MYO1D: variants seen among roughly 807,000 people sequenced by gnomAD.
MYO1D encodes the protein unconventional myosin-Id.
MYO1D carries 83 observed loss-of-function variants against 122.0 expected under a neutral mutation model. That is an observed-to-expected ratio of 0.68 (90% CI 0.57 to 0.82). The LOEUF (loss-of-function observed/expected upper bound fraction) is 0.82, where lower values mean the gene tolerates loss of function less well. Among genes scored for constraint, MYO1D ranks in the 40% least tolerant of loss-of-function variants. The probability of loss-of-function intolerance (pLI) is 0.00; values close to 1 mark genes in which losing one functional copy is unlikely to be tolerated. For synonymous variants in MYO1D, 464 were observed against 446.9 expected (o/e 1.04, Z -0.48); for missense variants, 1,157 against 1,269.5 (o/e 0.91, Z 1.35).
chr17:32,540,395 A>G (rs1910802410), intron 21 of MYO1D, among the ~76,000 whole-genome samples: 1 of 151,890 alleles, frequency 6.6e-6, no homozygotes, highest in South Asian at 2.1e-4. Context: ...TTTGCAAATC[A>G]TATATCTGAT....
chr17:32,837,678 C>A (rs926932047), intron 1 of MYO1D, among the ~76,000 whole-genome samples: 1 of 152,070 alleles, frequency 6.6e-6, no homozygotes, highest in Non-Finnish European at 1.5e-5. Context: ...CAAACTGGTT[C>A]AGAAAAATTC....
rs575644563 is a variant in MYO1D, at chr17:32,560,916, C to CTT, written c.2864+44169_2864+44170dup. On this transcript the variant is annotated intron_variant, in intron 21 of 21. Transcript: ENST00000318217. ...TACAGGCATGAGCCACTATGCGTGG[C>CTT]TTTTTTTTTTTTTTTTGAGAGTCTT... 1.8e-4 allele frequency among the ~76,000 whole-genome samples: 24 copies of CTT among 132,324 alleles called. 1 individual carries two copies. The highest frequency in any genetic ancestry group is 5.7e-4 in the African/African-American group (20 of 35,086). The allele number at this position is 132,324 out of a possible 152,430, so 86.8% of individuals were successfully genotyped here. A position where few individuals can be genotyped will look rare whatever the true frequency, so the allele number is the denominator to read the frequency against.
At chr17:32,784,445 C>A in intron 1 of MYO1D, among the ~76,000 whole-genome samples, 1 of 151,940 alleles carries the variant, frequency 6.6e-6, no homozygotes, top group East Asian at 1.9e-4. Flanking sequence ...TGCTCTGTTA[C>A]CTTTTTTTTT....
intron 21 of MYO1D, among the ~76,000 whole-genome samples, chr17:32,567,024 A>G (rs1013478598): frequency 6.6e-6 from 1 of 151,480 alleles, no homozygotes; most frequent in Non-Finnish European, 1.5e-5. Context: ...GAAATCAAAA[A>G]GGAGCAGATG....
At chr17:32,610,448 C>A (rs990917298) in intron 20 of MYO1D, among the ~76,000 whole-genome samples, 1 of 152,214 alleles carries the variant, frequency 6.6e-6, no homozygotes. Flanking sequence ...AAACAGCACC[C>A]AGAACGTCCC....
intron 20 of MYO1D, among the ~76,000 whole-genome samples, chr17:32,638,514 T>TTTAAAAAA (rs1363920300): frequency 6.6e-6 from 1 of 152,224 alleles, no homozygotes; most frequent in African/African-American, 2.4e-5. Flanking sequence ...GTCCTTACAC[T>TTTAAAAAA]TTAAAAAATG....
intron 1 of MYO1D, among the ~76,000 whole-genome samples, chr17:32,795,182 A>G (rs780337552): frequency 5.9e-5 from 9 of 152,158 alleles, no homozygotes; most frequent in Non-Finnish European, 8.8e-5. Context: ...GAGACATCCA[A>G]GTGAAGATGT....
chr17:32,522,595 G>A (rs1567876195), intron 21 of MYO1D, among the ~76,000 whole-genome samples: 1 of 152,170 alleles, frequency 6.6e-6, no homozygotes, highest in East Asian at 1.9e-4. Flanking sequence ...AAGGTGGGGA[G>A]GGACTGGAGG....
chr17:32,646,624 C>G (rs2088298869), intron 19 of MYO1D, among the ~76,000 whole-genome samples: 2 of 152,112 alleles, frequency 1.3e-5, no homozygotes, highest in South Asian at 4.1e-4. Context: ...GTCCCATGTC[C>G]TTTTATATGT....
intron 21 of MYO1D, among the ~76,000 whole-genome samples, chr17:32,519,937 T>G (rs2150865979): frequency 6.9e-6 from 1 of 144,148 alleles, no homozygotes; most frequent in African/African-American, 2.6e-5. Context: ...TAGCCAGAAA[T>G]AGTTAAGAAG....
chr17:32,766,104 T>C (rs889280362), intron 7 of MYO1D, among the ~76,000 whole-genome samples: 1 of 152,024 alleles, frequency 6.6e-6, no homozygotes, highest in Non-Finnish European at 1.5e-5. Context: ...AGGCTGGTCT[T>C]GGAACTCCTG....
intron 1 of MYO1D, among the ~76,000 whole-genome samples, chr17:32,799,457 G>A (rs1225154966): frequency 6.6e-6 from 1 of 152,030 alleles, no homozygotes; most frequent in Non-Finnish European, 1.5e-5. Flanking sequence ...TCAATAAATG[G>A]TGTTAGGAAA....
At chr17:32,526,759 T>C (rs1910356044) in intron 21 of MYO1D, among the ~76,000 whole-genome samples, 2 of 152,168 alleles carry the variant, frequency 1.3e-5, no homozygotes, top group Admixed American at 6.5e-5. Context: ...CTCCAGCAGT[T>C]CTCCCGCTTC....
At chr17:32,546,139 G>C (rs1419181330) in intron 21 of MYO1D, among the ~76,000 whole-genome samples, 1 of 152,132 alleles carries the variant, frequency 6.6e-6, no homozygotes, top group Non-Finnish European at 1.5e-5. Context: ...GGCTGCCTTT[G>C]TAACGGCCCT....
At chr17:32,876,650 C>G in intron 1 of MYO1D, 128 bp downstream of exon 1, 2 of 689,404 alleles carry the variant, frequency 2.9e-6, no homozygotes, top group Non-Finnish European at 4.4e-6. Context: ...CCGGACACCG[C>G]AGCCCGGCCG....
At chr17:32,817,455 G>C (rs1176781694) in intron 1 of MYO1D, among the ~76,000 whole-genome samples, 1 of 152,092 alleles carries the variant, frequency 6.6e-6, no homozygotes, top group East Asian at 1.9e-4. Flanking sequence ...GCCTTTTGAA[G>C]GTAATATTTT....
chr17:32,704,285 G>T (rs1209658583), intron 16 of MYO1D, among the ~76,000 whole-genome samples: 1 of 152,148 alleles, frequency 6.6e-6, no homozygotes, highest in African/African-American at 2.4e-5. Flanking sequence ...AATCTCACTG[G>T]CTACATTGAT....
chr17:32,499,542 G>A (rs1909244269), intron 21 of MYO1D, among the ~76,000 whole-genome samples: 3 of 152,008 alleles, frequency 2.0e-5, no homozygotes, highest in African/African-American at 7.3e-5. Flanking sequence ...GCTGAGGCAG[G>A]AGAATCGCTT....
At chr17:32,683,337 G>C (rs1450255521) in intron 16 of MYO1D, among the ~76,000 whole-genome samples, 1 of 152,218 alleles carries the variant, frequency 6.6e-6, no homozygotes, top group Non-Finnish European at 1.5e-5. Flanking sequence ...GTGTTTTAGA[G>C]TTTCCAGTTT....
Sources: allele counts gnomAD v4.1 joint callset (sites outside exome capture counted in the v4.1 genomes callset), GRCh38; gene constraint gnomAD v4.1.1; transcripts MANE v1.5; gene names NCBI Gene and HGNC (gene_info 2026-07-23, HGNC 2026-07-21).